TENM4: variants seen among roughly 807,000 people sequenced by gnomAD.
The protein encoded by TENM4 is teneurin transmembrane protein 4.
TENM4 carries 82 observed loss-of-function variants against 243.3 expected under a neutral mutation model. The ratio of observed to expected loss-of-function variants is 0.34; its 90% CI spans 0.28 to 0.40. The LOEUF is 0.40. TENM4 is among the 10% of genes least tolerant of loss of function. TENM4 has a pLI of 1.00. For synonymous variants in TENM4, 1,412 were observed against 1,456.3 expected (o/e 0.97, Z 0.69); for missense variants, 3,138 against 3,673.3 (o/e 0.85, Z 3.77).
intron 1 of TENM4, among the ~76,000 whole-genome samples, chr11:79,307,114 A>C (rs1160925211): frequency 6.6e-6 from 1 of 152,192 alleles, no homozygotes; most frequent in Non-Finnish European, 1.5e-5. Context: ...CCATGTTCAT[A>C]ATAACCATCA....
rs528242246 is a variant in TENM4 at position 79,374,851 on chromosome 11, C to T, written c.-321+65658G>A. On this transcript the variant is annotated intron_variant, in intron 1 of 33. Transcript: ENST00000278550. ...AAAGTGCTTACGAAGCAGGCGAATGCGGTTGCAAGCCGGGGGTAATTAGTA... is the reference window on the plus strand; with the variant it reads ...AAAGTGCTTACGAAGCAGGCGAATGTGGTTGCAAGCCGGGGGTAATTAGTA... Among the ~76,000 whole-genome samples, 16 of 152,264 alleles carry T rather than the reference C, an allele frequency of 1.1e-4. 1 individual carries two copies. In the South Asian group the frequency reaches 1.5e-3, roughly 14 times the overall value.
At chr11:79,047,222 T>G (rs1395621091) in intron 6 of TENM4, among the ~76,000 whole-genome samples, 1 of 152,152 alleles carries the variant, frequency 6.6e-6, no homozygotes, top group Non-Finnish European at 1.5e-5. Context: ...AAAAGGACTT[T>G]GAATTCCCCC....
chr11:78,754,615 T>TA (rs1856263359), intron 19 of TENM4, among the ~76,000 whole-genome samples: 2 of 152,094 alleles, frequency 1.3e-5, no homozygotes, highest in Non-Finnish European at 2.9e-5. Flanking sequence ...TCTAGTGGAT[T>TA]AAAAAAACTC....
chr11:78,923,699 T>TTTA (rs1203388906), intron 6 of TENM4, among the ~76,000 whole-genome samples: 1 of 140,008 alleles, frequency 7.1e-6, no homozygotes, highest in Non-Finnish European at 1.6e-5. Flanking sequence ...CTGGCTTTTT[T>TTTA]TTTTTTTTTT....
chr11:79,329,615 G>A (rs1378664807), intron 1 of TENM4, among the ~76,000 whole-genome samples: 4 of 152,196 alleles, frequency 2.6e-5, no homozygotes, highest in Non-Finnish European at 4.4e-5. Flanking sequence ...GAGATAACTA[G>A]AAGAAGCCAG....
intron 5 of TENM4, 145 bp from the exon 6 acceptor site, chr11:79,065,152 G>C (rs1860212242): frequency 7.7e-7 from 1 of 1,295,386 alleles, no homozygotes. Context: ...CTTTGTTCAA[G>C]TGATTGCCTC....
At chr11:78,794,369 G>A (rs1200503235) in intron 15 of TENM4, among the ~76,000 whole-genome samples, 1 of 152,210 alleles carries the variant, frequency 6.6e-6, no homozygotes, top group Non-Finnish European at 1.5e-5. Flanking sequence ...TGGGAAGCAG[G>A]CAGGATAATG....
intron 6 of TENM4, among the ~76,000 whole-genome samples, chr11:79,047,686 GT>G (rs1290351176): frequency 2.0e-5 from 3 of 152,196 alleles, no homozygotes; most frequent in Non-Finnish European, 4.4e-5. Context: ...GCCTAGGGTA[GT>G]GGGAGGATGC....
intron 2 of TENM4, among the ~76,000 whole-genome samples, chr11:79,231,934 G>A (rs1864380888): frequency 6.6e-6 from 1 of 152,154 alleles, no homozygotes; most frequent in Non-Finnish European, 1.5e-5. Context: ...AGAAAAATTA[G>A]CCAGGCGTGG....
intron 2 of TENM4, among the ~76,000 whole-genome samples, chr11:79,222,340 C>CT (rs962576178): frequency 2.6e-5 from 4 of 152,106 alleles, no homozygotes; most frequent in African/African-American, 9.7e-5. Context: ...TATCTCGTTC[C>CT]TTTTTTATGG....
intron 6 of TENM4, among the ~76,000 whole-genome samples, chr11:79,007,246 G>C (rs762931352): frequency 6.6e-6 from 1 of 152,140 alleles, no homozygotes; most frequent in Non-Finnish European, 1.5e-5. Flanking sequence ...CTTGACTGGA[G>C]TATGGAAATA....
chr11:78,875,706 A>T (rs1220341718), intron 9 of TENM4, among the ~76,000 whole-genome samples: 1 of 152,148 alleles, frequency 6.6e-6, no homozygotes, highest in Non-Finnish European at 1.5e-5. Flanking sequence ...TCAGTTTCTC[A>T]TCTATGGAAA....
intron 6 of TENM4, among the ~76,000 whole-genome samples, chr11:79,013,219 C>G (rs1419167353): frequency 6.6e-6 from 1 of 152,144 alleles, no homozygotes; most frequent in Non-Finnish European, 1.5e-5. Context: ...GATCCTTCAC[C>G]AACACCAGCC....
chr11:79,021,198 G>T (rs376813915), intron 6 of TENM4, among the ~76,000 whole-genome samples: 1 of 152,170 alleles, frequency 6.6e-6, no homozygotes, highest in Non-Finnish European at 1.5e-5. Flanking sequence ...TAAACTTGAG[G>T]GTTTCTAAGT....
intron 2 of TENM4, among the ~76,000 whole-genome samples, chr11:79,233,858 T>A (rs146772035): frequency 3.7e-4 from 56 of 152,292 alleles, no homozygotes; most frequent in African/African-American, 1.3e-3. Context: ...TCTGGATCCT[T>A]CCAATGAGCG....
At chr11:79,367,950 C>T (rs1164898538) in intron 1 of TENM4, among the ~76,000 whole-genome samples, 3 of 152,180 alleles carry the variant, frequency 2.0e-5, no homozygotes, top group Non-Finnish European at 2.9e-5. Flanking sequence ...AAGTGATAAT[C>T]ACTTGCTACA....
chr11:78,994,518 T>A (rs1465665843), intron 6 of TENM4, among the ~76,000 whole-genome samples: 1 of 152,242 alleles, frequency 6.6e-6, no homozygotes. Flanking sequence ...ACCATGTAAC[T>A]TGTGTAGTTT....
chr11:79,139,104 T>C (rs1393470203), intron 4 of TENM4, among the ~76,000 whole-genome samples: 1,316 of 44,332 alleles, frequency 0.03, 13 homozygotes, highest in Middle Eastern at 0.056. Context: ...ATATATAAAA[T>C]ATATATTATA....
intron 33 of TENM4, among the ~76,000 whole-genome samples, chr11:78,661,214 G>GTC (rs1858021649): frequency 6.6e-6 from 1 of 152,230 alleles, no homozygotes; most frequent in African/African-American, 2.4e-5. Flanking sequence ...CAAACTCAGT[G>GTC]TAACACACAA....
Sources: allele counts gnomAD v4.1 joint callset (sites outside exome capture counted in the v4.1 genomes callset), GRCh38; gene constraint gnomAD v4.1.1; transcripts MANE v1.5; gene names NCBI Gene and HGNC (gene_info 2026-07-23, HGNC 2026-07-21).